The following TKTL1 variants were observed in gnomAD, a reference collection of about 807,000 sequenced individuals.
TKTL1 encodes transketolase-like protein 1.
A neutral mutation model predicts 39.3 loss-of-function variants in TKTL1; 1 was observed. That is an observed-to-expected ratio of 0.03 (90% confidence interval 0.01 to 0.12). The LOEUF is 0.12. TKTL1 is among the 10% of genes least tolerant of loss of function. TKTL1 has a pLI of 1.00. For synonymous variants in TKTL1, 262 were observed against 193.8 expected (o/e 1.35, Z -2.92); for missense variants, 575 against 509.6 (o/e 1.13, Z -1.24).
chrX:154,321,590 A>G (rs1377535248), intron 8 of TKTL1, among the ~76,000 whole-genome samples: 13 of 108,667 alleles, frequency 1.2e-4, no homozygotes, highest in African/African-American at 4.4e-4. Context: ...CGTGAAGAGC[A>G]AAACACACGA....
At chrX:154,314,533 A>G (rs1271171326) in intron 6 of TKTL1, among the ~76,000 whole-genome samples, 6 of 107,727 alleles carry the variant, frequency 5.6e-5, no homozygotes, top group Non-Finnish European at 9.7e-5. Flanking sequence ...AAAACTCAAC[A>G]TTTTTTTTTT....
chrX:154,328,829 A>C (rs919896082), intron 12 of TKTL1, among the ~76,000 whole-genome samples: 5 of 110,959 alleles, frequency 4.5e-5, no homozygotes, highest in African/African-American at 1.6e-4. Context: ...CCTGAGGTTG[A>C]TGACAGGGAA....
Position 154,295,819 on chromosome X carries a change from G to T in TKTL1, c.-41G>T, listed in dbSNP as rs377066446. The T allele has an allele frequency of 1.7e-6, 2 of 1,193,923 alleles. No individual in the cohort carries two copies. The highest frequency in any genetic ancestry group is 3.5e-5 in the African/African-American group (2 of 56,615). Reference sequence around the variant, plus strand: ...CGCCATTCGCTCTTCAGACGCCGGAGACGTAGGAGTGGGTCTTCAGACTCC... The same window carrying T: ...CGCCATTCGCTCTTCAGACGCCGGATACGTAGGAGTGGGTCTTCAGACTCC... On this transcript the variant is annotated 5_prime_UTR_variant, in exon 1 of 13. Coordinates refer to ENST00000369915, the MANE Select transcript of TKTL1 (RefSeq NM_012253.4).
At chrX:154,305,114 G>C (rs782368289) in intron 1 of TKTL1, 190 bp from the exon 2 acceptor site, 42 of 1,152,765 alleles carry the variant, frequency 3.6e-5, no homozygotes, top group Non-Finnish European at 4.1e-5. Context: ...CTGTGCACAG[G>C]GGGAGGGGTG....
chrX:154,296,065 A>AGGC (rs1199383560), intron 1 of TKTL1, 72 bp downstream of exon 1: 16 of 1,152,688 alleles, frequency 1.4e-5, no homozygotes, highest in Non-Finnish European at 1.8e-5. Flanking sequence ...GGTGGCCATG[A>AGGC]GGCCGTGTGG....
chrX:154,323,191 GCTCTGGTTCT>G lies in TKTL1; in HGVS notation c.1187-12_1187-3del. On this transcript the variant is annotated splice_polypyrimidine_tract_variant and splice_region_variant and intron_variant, in intron 8 of 12. Transcript: ENST00000369915. ...GGGGTTATGCTCCTGTTTTCATCGG[GCTCTGGTTCT>G]CTCAGGTGACGATGGTGCTTCCCAG... 1 of 1,208,950 alleles carries G rather than the reference GCTCTGGTTCT, an allele frequency of 8.3e-7. No individual in the cohort carries two copies. The highest frequency in any genetic ancestry group is 1.1e-6 in the Non-Finnish European group (1 of 894,391).
chrX:154,301,826 C>G (rs55922442), intron 1 of TKTL1, among the ~76,000 whole-genome samples: 2,381 of 106,695 alleles, frequency 0.022, 79 homozygotes, highest in African/African-American at 0.077. Context: ...CTCCCGACCT[C>G]AGGTGATCCG....
rs782322467 is a variant in TKTL1 at position 154,305,291 on chromosome X, G to A, written c.135-13G>A. On this transcript the variant is annotated splice_polypyrimidine_tract_variant and intron_variant, in intron 1 of 12. Transcript: ENST00000369915. ...TGCTGTGAGAAATGACCAGTGTCAT[G>A]TCTGTCTTTCAGCCACCCTACATCA... 53 of 1,201,493 alleles carry A rather than the reference G, an allele frequency of 4.4e-5. No individual in the cohort carries two copies. The Admixed American group carries it at 8.8e-4, about 20-fold the overall frequency.
At chrX:154,311,517 T>C (rs904230881) in intron 5 of TKTL1, among the ~76,000 whole-genome samples, 1 of 111,427 alleles carries the variant, frequency 9.0e-6, no homozygotes, top group Non-Finnish European at 1.9e-5. Flanking sequence ...CAGGGAACAA[T>C]CTCTACGGTT....
intron 12 of TKTL1, among the ~76,000 whole-genome samples, chrX:154,328,896 A>AAG (rs782630213): frequency 1.7e-4 from 19 of 111,920 alleles, no homozygotes; most frequent in Non-Finnish European, 3.2e-4. Context: ...GAGTTGAAAG[A>AAG]AGTCCTGCCC....
rs995283005 is a variant in TKTL1 at position 154,329,834 on chromosome X, A to G, written c.*146A>G. On this transcript the variant is annotated 3_prime_UTR_variant, in exon 13 of 13. Coordinates refer to ENST00000369915, the MANE Select transcript of TKTL1 (RefSeq NM_012253.4). ...CATTCATCCCTAGTTCGGAAATTCA[A>G]GCTAACTACTTACCCTTTAAACTGT... 7 of 628,208 alleles carry G rather than the reference A, an allele frequency of 1.1e-5. No homozygotes were observed. Among genetic ancestry groups the G allele is most frequent in the African/African-American group, 4.5e-5 (2 of 44,559 alleles). 51.8% of individuals were successfully genotyped at this position (628,208 alleles called of 1,213,427 possible).
rs782317545 is a variant in TKTL1 at position 154,305,352 on chromosome X, C to A, written c.183C>A (p.Phe61Leu). 8.3e-7 allele frequency: 1 copy of A among 1,210,621 alleles called. No homozygotes were observed. Among genetic ancestry groups the A allele is most frequent in the East Asian group, 3.0e-5 (1 of 33,810 alleles). The change falls in exon 2 of 13, where the codon TTC (phenylalanine) becomes TTA (leucine). Residue 61 changes from phenylalanine to leucine, a missense_variant. Phe to Leu is a conservative substitution (Grantham distance 22, BLOSUM62 0). Coordinates refer to ENST00000369915, the MANE Select transcript of TKTL1 (RefSeq NM_012253.4). ...SSSSEIMSVL[F>L]FYIMRYKQSD... ...CTTCTGAGATCATGTCTGTGCTGTT[C>A]TTCTACATCATGAGGTACAAGCAGT...
chrX:154,324,619 C>T (rs1307337895), intron 9 of TKTL1, among the ~76,000 whole-genome samples: 1 of 111,444 alleles, frequency 9.0e-6, no homozygotes, highest in African/African-American at 3.3e-5. Flanking sequence ...GGGAACTCTG[C>T]TGGCGGAAGC....
At chrX:154,299,769 TAC>T (rs1156277016) in intron 1 of TKTL1, among the ~76,000 whole-genome samples, 1 of 111,873 alleles carries the variant, frequency 8.9e-6, no homozygotes, top group Non-Finnish European at 1.9e-5. Context: ...TGCTGCAAAA[TAC>T]ATTGTTTTTT....
At chrX:154,296,021 C>G in intron 1 of TKTL1, 28 bp downstream of exon 1, 12 of 1,205,029 alleles carry the variant, frequency 1.0e-5, no homozygotes, top group African/African-American at 1.7e-5. Context: ...AAGTCTGGGT[C>G]ATGCAGGGCC....
At chrX:154,323,037 A>G (rs5987245) in intron 8 of TKTL1, among the ~76,000 whole-genome samples, 170 bp from the exon 9 acceptor site, 24,722 of 111,500 alleles carry the variant, frequency 0.22, 2,063 homozygotes, top group South Asian at 0.53. Context: ...GTGCAAGAAC[A>G]CAATGTAAAT....
intron 7 of TKTL1, among the ~76,000 whole-genome samples, chrX:154,315,941 T>C (rs782468110): frequency 2.7e-5 from 3 of 111,720 alleles, no homozygotes; most frequent in Non-Finnish European, 3.8e-5. Flanking sequence ...GAAGGAGTTA[T>C]GGCCAGTAAA....
At chrX:154,310,234 ATCGC>A (rs1248891636) in intron 3 of TKTL1, among the ~76,000 whole-genome samples, 2 of 110,072 alleles carry the variant, frequency 1.8e-5, no homozygotes, top group African/African-American at 6.6e-5. Context: ...AGGTGGGCGG[ATCGC>A]CTGAGGTCAG....
intron 1 of TKTL1, chrX:154,305,056 G>C: frequency 8.9e-7 from 1 of 1,118,965 alleles, no homozygotes; most frequent in Non-Finnish European, 1.2e-6. Flanking sequence ...AGGCACAAAG[G>C]AAACTTGCCC....
Sources: allele counts gnomAD v4.1 joint callset (sites outside exome capture counted in the v4.1 genomes callset), GRCh38; gene constraint gnomAD v4.1.1; transcripts MANE v1.5; gene names NCBI Gene and HGNC (gene_info 2026-07-23, HGNC 2026-07-21).